THSD7B: variants seen among roughly 807,000 people sequenced by gnomAD.
THSD7B encodes thrombospondin type 1 domain containing 7B.
THSD7B carries 138 observed loss-of-function variants against 213.6 expected under a neutral mutation model. That is an observed-to-expected ratio of 0.65 (90% CI 0.56 to 0.74). The LOEUF is 0.74. THSD7B is among the 30% of genes least tolerant of loss of function. The pLI is 0.00. For synonymous variants in THSD7B, 742 were observed against 687.0 expected, an observed-to-expected ratio of 1.08 and a Z score of -1.25; for missense variants, 1,931 against 1,991.5, an observed-to-expected ratio of 0.97 and a Z score of 0.58.
chr2:136,843,396 T>C (rs1056884077), intron 1 of THSD7B, among the ~76,000 whole-genome samples: 1 of 152,220 alleles, frequency 6.6e-6, no homozygotes, highest in Non-Finnish European at 1.5e-5. Flanking sequence ...ATCGTATTCG[T>C]GAATGTCCAT....
chr2:137,202,863 A>G (rs1255813752), intron 7 of THSD7B, among the ~76,000 whole-genome samples: 1 of 152,148 alleles, frequency 6.6e-6, no homozygotes, highest in Non-Finnish European at 1.5e-5. Flanking sequence ...AGAGAGATAA[A>G]CAGATGATAG....
intron 15 of THSD7B, among the ~76,000 whole-genome samples, chr2:137,554,214 A>G (rs1680905629): frequency 6.6e-6 from 1 of 152,118 alleles, no homozygotes; most frequent in South Asian, 2.1e-4. Flanking sequence ...TTCTCTAGAG[A>G]ATTAAGTGAG....
chr2:137,398,463 A>G (rs1282667851), intron 12 of THSD7B, among the ~76,000 whole-genome samples: 1 of 151,854 alleles, frequency 6.6e-6, no homozygotes, highest in Non-Finnish European at 1.5e-5. Flanking sequence ...GGTGCCTCCC[A>G]GTTAGGCTGC....
chr2:137,465,705 G>C (rs1187121903), intron 15 of THSD7B, among the ~76,000 whole-genome samples: 2 of 152,078 alleles, frequency 1.3e-5, no homozygotes, highest in Admixed American at 1.3e-4. Context: ...TAACATGGGT[G>C]TGTACTACAT....
Position 137,170,939 on chromosome 2 carries a change from G to T in THSD7B, c.1723+1G>T. 6.2e-7 allele frequency: 1 copy of T among 1,611,896 alleles called. No individual in the cohort carries two copies. The highest frequency in any genetic ancestry group is 8.5e-7 in the Non-Finnish European group (1 of 1,179,594). ...AAGGCCGTCTGCCAGAATGACCGCG[G>T]TATGACCCAGTGACCCACTAGAGGT... On this transcript the variant is annotated splice_donor_variant, in intron 7 of 27. Coordinates refer to ENST00000409968, the MANE Select transcript of THSD7B (RefSeq NM_001316349.2). LOFTEE classifies it high-confidence loss of function.
At chr2:136,792,472 A>G (rs1485078117) in intron 1 of THSD7B, among the ~76,000 whole-genome samples, 2 of 152,002 alleles carry the variant, frequency 1.3e-5, no homozygotes, top group African/African-American at 2.4e-5. Context: ...CAAAACTCAT[A>G]AAATGTATAA....
At chr2:137,272,803 T>G in intron 11 of THSD7B, 141 bp downstream of exon 11, 1 of 951,350 alleles carries the variant, frequency 1.1e-6, no homozygotes. Context: ...TTTAATATTC[T>G]TACCCTCTTA....
chr2:137,511,333 A>G (rs1404335374), intron 15 of THSD7B, among the ~76,000 whole-genome samples: 1 of 152,190 alleles, frequency 6.6e-6, no homozygotes, highest in Non-Finnish European at 1.5e-5. Context: ...CCCTCTGTGC[A>G]TGGATAACTT....
intron 1 of THSD7B, among the ~76,000 whole-genome samples, chr2:136,813,713 A>T (rs974162724): frequency 3.3e-5 from 5 of 152,202 alleles, no homozygotes; most frequent in Non-Finnish European, 5.9e-5. Flanking sequence ...TTCCAGAAGC[A>T]CAGCGTGAAA....
chr2:137,476,675 A>AT (rs1429437014), intron 15 of THSD7B, among the ~76,000 whole-genome samples: 1 of 151,964 alleles, frequency 6.6e-6, no homozygotes, highest in Non-Finnish European at 1.5e-5. Context: ...GGTTCAAGGG[A>AT]TTCCCTTGCC....
intron 16 of THSD7B, among the ~76,000 whole-genome samples, chr2:137,568,331 G>T (rs1681283497): frequency 6.6e-6 from 1 of 152,094 alleles, no homozygotes; most frequent in Admixed American, 6.5e-5. Flanking sequence ...AATTGATGGT[G>T]CAGGATATGT....
chr2:137,430,333 A>C (rs1219554777), intron 14 of THSD7B, among the ~76,000 whole-genome samples: 1 of 152,230 alleles, frequency 6.6e-6, no homozygotes, highest in Admixed American at 6.5e-5. Flanking sequence ...GATATAAGCT[A>C]TATGAACTGA....
intron 5 of THSD7B, among the ~76,000 whole-genome samples, chr2:137,151,209 T>C (rs1477586551): frequency 6.6e-6 from 1 of 152,238 alleles, no homozygotes; most frequent in Non-Finnish European, 1.5e-5. Context: ...AACTTTTAAC[T>C]CTTTTGTTAT....
intron 15 of THSD7B, among the ~76,000 whole-genome samples, chr2:137,547,789 G>A (rs75267349): frequency 0.16 from 24,541 of 151,882 alleles, 2,169 homozygotes; most frequent in South Asian, 0.28. Flanking sequence ...TAAGTGATAC[G>A]TAAGAACTCT....
rs144723846 is a variant in THSD7B, at chr2:137,030,178, G to A, written c.140-26242G>A. On this transcript the variant is annotated intron_variant, in intron 2 of 27. Transcript: ENST00000409968. ...CAGAAATACAAACATTGTTTACATC[G>A]TATACAGACAACAAGAGATACTCCA... Among the ~76,000 whole-genome samples the A allele has an allele frequency of 1.2e-3, 181 of 152,204 alleles. 5 individuals carry two copies. In the East Asian group the frequency reaches 0.029, roughly 24 times the overall value.
chr2:137,350,988 C>T (rs933692786), intron 12 of THSD7B, among the ~76,000 whole-genome samples: 2 of 151,732 alleles, frequency 1.3e-5, no homozygotes, highest in African/African-American at 2.4e-5. Context: ...AAGAGCCTGA[C>T]AAAATAGCCT....
intron 15 of THSD7B, among the ~76,000 whole-genome samples, chr2:137,518,105 A>C (rs1215938864): frequency 3.3e-5 from 5 of 152,140 alleles, no homozygotes; most frequent in Admixed American, 3.3e-4. Flanking sequence ...GCAGTCCCGA[A>C]GGCACAAGTA....
At chr2:137,094,835 A>T in intron 3 of THSD7B, 38 bp from the exon 4 acceptor site, 1 of 1,595,782 alleles carries the variant, frequency 6.3e-7, no homozygotes, top group East Asian at 2.2e-5. Flanking sequence ...GCATCCATTA[A>T]TATATGGCCT....
rs112132330 is a variant in THSD7B at position 137,648,225 on chromosome 2, A to G, written c.3945+5592A>G. On this transcript the variant is annotated intron_variant, in intron 21 of 27. Transcript: ENST00000409968. ...TACCTTATATATTTTCCTTTATGCT[A>G]GAACAACTCAAATTATTCTCTTCTG... is the stretch of plus-strand genomic sequence containing the variant. Among the ~76,000 whole-genome samples the G allele has an allele frequency of 3.5e-3, 537 of 152,294 alleles. 1 individual carries two copies. The highest frequency in any genetic ancestry group is 0.012 in the African/African-American group (498 of 41,568).
Sources: gnomAD v4.1 joint callset for allele counts (sites outside exome capture counted in the v4.1 genomes callset) on GRCh38, gnomAD v4.1.1 for gene constraint, MANE v1.5 for transcripts, NCBI Gene and HGNC (gene_info 2026-07-23, HGNC 2026-07-21) for gene names.